AGMO: variants seen among roughly 807,000 people sequenced by gnomAD.
AGMO encodes glyceryl-ether monooxygenase.
AGMO carries 75 observed loss-of-function variants against 60.2 expected under a neutral mutation model. The ratio of observed to expected loss-of-function variants is 1.25; its 90% CI spans 1.03 to 1.51. The LOEUF is 1.51. Among genes scored for constraint, AGMO ranks in the 40% most tolerant of loss-of-function variants. The pLI, the probability that AGMO is intolerant of heterozygous loss-of-function variation, is 0.00. For missense variants in AGMO, 763 were observed against 525.5 expected (o/e 1.45, Z -4.42); for synonymous variants, 261 against 177.1 (o/e 1.47, Z -3.76).
intron 12 of AGMO, among the ~76,000 whole-genome samples, chr7:15,333,477 T>G (rs1182481065): frequency 6.6e-6 from 1 of 152,012 alleles, no homozygotes; most frequent in Admixed American, 6.6e-5. Flanking sequence ...GTCCTTATGT[T>G]TCTTTTGAAC....
chr7:15,344,573 C>T (rs1028587238), intron 12 of AGMO, among the ~76,000 whole-genome samples: 4 of 151,784 alleles, frequency 2.6e-5, no homozygotes, highest in Non-Finnish European at 4.4e-5. Flanking sequence ...TGGTGCACGC[C>T]TGTGGTCCCA....
rs758155268 is a variant in AGMO at position 15,385,502 on chromosome 7, CTG to C, written c.1016_1017del (p.Thr339SerfsTer12). On this transcript the variant is annotated frameshift_variant, in exon 10 of 13. Transcript: ENST00000342526. LOFTEE classifies it high-confidence loss of function. ...GCCAACATCAGAGCAAACTGTACAACTGTATATATCTTTAATAGCTGAGATGA... is the reference window on the plus strand; with the variant it reads ...GCCAACATCAGAGCAAACTGTACAACTATATATCTTTAATAGCTGAGATGA... ...SSSSQLLKIY[T>X]VVQFALMLAF... 4.0e-5 allele frequency: 65 copies of C among 1,613,228 alleles called. No homozygotes were observed. The highest frequency in any genetic ancestry group is 1.6e-4 in the Middle Eastern group (1 of 6,078).
chr7:15,214,058 A>G (rs1427498573), intron 12 of AGMO, among the ~76,000 whole-genome samples: 1 of 152,004 alleles, frequency 6.6e-6, no homozygotes, highest in East Asian at 1.9e-4. Context: ...TACATGATCC[A>G]TAATTTGTTG....
intron 3 of AGMO, among the ~76,000 whole-genome samples, chr7:15,512,197 C>T (rs960677893): frequency 6.6e-6 from 1 of 152,106 alleles, no homozygotes; most frequent in African/African-American, 2.4e-5. Flanking sequence ...AATAAAATAG[C>T]AAGCACTGAT....
intron 3 of AGMO, among the ~76,000 whole-genome samples, chr7:15,466,183 G>A (rs182090605): frequency 1.8e-3 from 268 of 152,208 alleles, no homozygotes; most frequent in Non-Finnish European, 3.5e-3. Context: ...CATATTTACT[G>A]GGTGCATATC....
chr7:15,236,711 A>C (rs1026128677), intron 12 of AGMO, among the ~76,000 whole-genome samples: 1 of 152,130 alleles, frequency 6.6e-6, no homozygotes, highest in Non-Finnish European at 1.5e-5. Flanking sequence ...GATTAGGGTG[A>C]CTTCTCATTG....
chr7:15,218,838 G>C (rs886343495), intron 12 of AGMO, among the ~76,000 whole-genome samples: 4 of 152,012 alleles, frequency 2.6e-5, no homozygotes, highest in African/African-American at 9.7e-5. Context: ...AGACAGGCCT[G>C]ACTCTTTTTC....
intron 12 of AGMO, among the ~76,000 whole-genome samples, chr7:15,355,414 A>T (rs1024345725): frequency 1.3e-5 from 2 of 149,920 alleles, no homozygotes; most frequent in African/African-American, 4.9e-5. Flanking sequence ...GAGGAAGGAG[A>T]ACAGCGTGAA....
chr7:15,292,751 C>CTTTTTTTTTTTTTT (rs765222435), intron 12 of AGMO, among the ~76,000 whole-genome samples: 6 of 95,130 alleles, frequency 6.3e-5, no homozygotes, highest in African/African-American at 1.4e-4. Flanking sequence ...TTTTTTTTTC[C>CTTTTTTTTTTTTTT]TTTTTTTTTT....
intron 5 of AGMO, among the ~76,000 whole-genome samples, chr7:15,406,289 T>C (rs1443278221): frequency 6.9e-6 from 1 of 144,416 alleles, no homozygotes; most frequent in Non-Finnish European, 1.5e-5. Flanking sequence ...CACATATGTG[T>C]GTATATATAT....
Position 15,341,849 on chromosome 7 carries a change from G to C in AGMO, c.1263+23665C>G, listed in dbSNP as rs138972651. 5.6e-4 allele frequency among the ~76,000 whole-genome samples: 85 copies of C among 152,098 alleles called. 1 individual carries two copies. The East Asian group carries it at 0.016, about 29-fold the overall frequency. On this transcript the variant is annotated intron_variant, in intron 12 of 12. Transcript: ENST00000342526. ...AGCTAGCAAGAGGGTGTGTGCAGGG[G>C]AACTGACCTTTATAAAACCATCAGA... is the stretch of plus-strand genomic sequence containing the variant.
intron 5 of AGMO, among the ~76,000 whole-genome samples, chr7:15,398,866 C>T (rs1378847540): frequency 3.3e-5 from 5 of 152,262 alleles, no homozygotes; most frequent in African/African-American, 1.2e-4. Context: ...GTTTAATCAG[C>T]TTGGAATAAG....
At chr7:15,430,425 T>A (rs1002032082) in intron 4 of AGMO, among the ~76,000 whole-genome samples, 1 of 151,652 alleles carries the variant, frequency 6.6e-6, no homozygotes, top group African/African-American at 2.4e-5. Flanking sequence ...TAGATCAGGA[T>A]TTCCCCATGA....
At chr7:15,280,414 C>A (rs1783929674) in intron 12 of AGMO, among the ~76,000 whole-genome samples, 1 of 152,104 alleles carries the variant, frequency 6.6e-6, no homozygotes, top group African/African-American at 2.4e-5. Flanking sequence ...AGAGAACTGC[C>A]CCCTCACACC....
At chr7:15,189,708 G>T in the AGMO span, among the ~76,000 whole-genome samples, 9 of 152,064 alleles carry the variant, frequency 5.9e-5, no homozygotes, top group Admixed American at 5.9e-4. Context: ...AATATCTAAA[G>T]AAAGTCAAGT....
intron 12 of AGMO, among the ~76,000 whole-genome samples, chr7:15,214,464 A>G (rs1027609937): frequency 5.3e-5 from 8 of 152,080 alleles, no homozygotes; most frequent in Non-Finnish European, 1.0e-4. Flanking sequence ...TATAATACAC[A>G]TGGTTTTGTA....
chr7:15,165,582 G>A, the AGMO span, among the ~76,000 whole-genome samples: 6 of 152,022 alleles, frequency 3.9e-5, no homozygotes, highest in African/African-American at 1.4e-4. Context: ...TTTAAAAGTC[G>A]AGAAAAACAA....
intron 3 of AGMO, among the ~76,000 whole-genome samples, chr7:15,435,252 T>A (rs1781367251): frequency 6.6e-6 from 1 of 152,054 alleles, no homozygotes. Flanking sequence ...TATTGAGCTG[T>A]ATGATATGCC....
intron 5 of AGMO, chr7:15,396,615 G>A (rs1390966155): frequency 2.0e-5 from 3 of 152,016 alleles, no homozygotes; most frequent in Admixed American, 1.3e-4. Flanking sequence ...CCCTTATCCG[G>A]CCCCGCCCCC....
Sources: gnomAD v4.1 joint callset for allele counts (sites outside exome capture counted in the v4.1 genomes callset) on GRCh38, gnomAD v4.1.1 for gene constraint, MANE v1.5 for transcripts, NCBI Gene and HGNC (gene_info 2026-07-23, HGNC 2026-07-21) for gene names.